The following PTPRZ1 variants were observed in gnomAD, a reference collection of about 807,000 sequenced individuals.
PTPRZ1 encodes receptor-type tyrosine-protein phosphatase zeta.
A neutral mutation model predicts 214.1 loss-of-function variants in PTPRZ1; 82 were observed. The observed-to-expected ratio is 0.38, with a 90% CI of 0.32 to 0.46. PTPRZ1 has a LOEUF of 0.46. Ranked by LOEUF, PTPRZ1 falls within the 20% of genes least tolerant of loss-of-function variation. The pLI is 1.00. For missense variants in PTPRZ1, 2,603 were observed against 2,748.7 expected (o/e 0.95, Z 1.19); for synonymous variants, 945 against 987.9 (o/e 0.96, Z 0.81).
intron 1 of PTPRZ1, among the ~76,000 whole-genome samples, chr7:121,899,917 C>G (rs1216790070): frequency 6.6e-6 from 1 of 152,100 alleles, no homozygotes; most frequent in African/African-American, 2.4e-5. Context: ...TAGCAGTGAC[C>G]ACTGTTTCCA....
At position 121,976,231 on chromosome 7, in the gene PTPRZ1, G is replaced by A; in HGVS notation, c.515G>A (p.Gly172Glu). ...TCAAGTTTTGAGGAAGCAGTCAAAG[G>A]AAAAGGGAAGTTAAGAGCTTTATCC... The part of the protein sequence containing the change: ...RFSSFEEAVK[G>E]KGKLRALSIL... Residue 172 changes from glycine (G) to glutamate (E), a missense_variant, in exon 5 of 30, where the codon GGA (glycine) becomes GAA (glutamate). Around this residue, in one of 6 missense-constraint regions of PTPRZ1, gnomAD observed 244 missense variants for 333.2 expected, o/e 0.73. Coordinates refer to ENST00000393386, the MANE Select transcript of PTPRZ1 (RefSeq NM_002851.3). The A allele has an allele frequency of 6.2e-7, 1 of 1,608,530 alleles. No homozygotes were observed. The highest frequency in any genetic ancestry group is 8.5e-7 in the Non-Finnish European group (1 of 1,176,412).
At chr7:121,984,167 A>C in intron 8 of PTPRZ1, 50 bp downstream of exon 8, 2 of 1,503,066 alleles carry the variant, frequency 1.3e-6, no homozygotes, top group Non-Finnish European at 1.8e-6. Flanking sequence ...GCAGTGTTAT[A>C]GGAGGTAATT....
At chr7:122,006,368 A>G (rs1017363020) in intron 11 of PTPRZ1, among the ~76,000 whole-genome samples, 4 of 152,048 alleles carry the variant, frequency 2.6e-5, no homozygotes, top group African/African-American at 9.7e-5. Flanking sequence ...ATTTTGTATC[A>G]TTTAACCAAT....
At chr7:121,984,228 TATTA>T (rs1797702587) in intron 8 of PTPRZ1, 111 bp downstream of exon 8, 2 of 972,864 alleles carry the variant, frequency 2.1e-6, no homozygotes, top group South Asian at 3.1e-5. Context: ...ATGTTTTAAT[TATTA>T]ATTTTGTAGC....
At chr7:121,900,890 A>G (rs1794936962) in intron 1 of PTPRZ1, among the ~76,000 whole-genome samples, 1 of 152,192 alleles carries the variant, frequency 6.6e-6, no homozygotes, top group Non-Finnish European at 1.5e-5. Context: ...CGATGTGCCA[A>G]TCACTGCTGT....
At chr7:121,974,455 A>G (rs143866263) in intron 4 of PTPRZ1, among the ~76,000 whole-genome samples, 2 of 152,216 alleles carry the variant, frequency 1.3e-5, no homozygotes, top group African/African-American at 2.4e-5. Context: ...AAGCCTCTCA[A>G]ATTGTCTCTC....
chr7:122,055,081 T>C lies in PTPRZ1; in HGVS notation c.6522T>C (p.Ala2174=). 6.4e-7 allele frequency: 1 copy of C among 1,572,396 alleles called. No individual in the cohort carries two copies. Among genetic ancestry groups the C allele is most frequent in the Non-Finnish European group, 8.7e-7 (1 of 1,152,352 alleles). The change falls in exon 27 of 30, where the codon GCT becomes GCC. Residue 2174 remains alanine, a synonymous_variant. Coordinates refer to ENST00000393386, the MANE Select transcript of PTPRZ1 (RefSeq NM_002851.3). ...KLIIQDFILE[A]TQDDYVLEVR... ...TAATTCAGGACTTTATCTTAGAAGC[T>C]ACACAGGTAAGGATATAAGTTAAAT...
intron 28 of PTPRZ1, among the ~76,000 whole-genome samples, chr7:122,059,210 G>A (rs1344727650): frequency 1.3e-5 from 2 of 151,926 alleles, no homozygotes; most frequent in African/African-American, 4.8e-5. Flanking sequence ...TACTAAGTCG[G>A]TGTTTTAGCA....
chr7:121,899,995 G>A (rs930496854), intron 1 of PTPRZ1, among the ~76,000 whole-genome samples: 9 of 152,092 alleles, frequency 5.9e-5, no homozygotes, highest in African/African-American at 1.7e-4. Flanking sequence ...AGAAAATTCT[G>A]GCCCAGTCAA....
At chr7:121,899,119 A>G (rs892149998) in intron 1 of PTPRZ1, among the ~76,000 whole-genome samples, 2 of 152,178 alleles carry the variant, frequency 1.3e-5, no homozygotes, top group Non-Finnish European at 2.9e-5. Flanking sequence ...AACATTTTGT[A>G]GTTTCAAAAG....
chr7:121,896,000 T>G (rs1040342406), intron 1 of PTPRZ1, among the ~76,000 whole-genome samples: 1 of 152,174 alleles, frequency 6.6e-6, no homozygotes, highest in Non-Finnish European at 1.5e-5. Context: ...ATTTTCCCAA[T>G]CAAATATCCA....
chr7:121,894,837 G>A (rs904735708), intron 1 of PTPRZ1, among the ~76,000 whole-genome samples: 1 of 152,112 alleles, frequency 6.6e-6, no homozygotes, highest in Admixed American at 6.6e-5. Context: ...ATTGGATTTG[G>A]GGGAAGGTGT....
intron 1 of PTPRZ1, among the ~76,000 whole-genome samples, chr7:121,889,017 A>T (rs1794494891): frequency 6.6e-6 from 1 of 152,166 alleles, no homozygotes; most frequent in Admixed American, 6.6e-5. Context: ...AATGAATTAA[A>T]TTATTGAAGT....
At chr7:121,926,040 C>T (rs1156612269) in intron 1 of PTPRZ1, among the ~76,000 whole-genome samples, 1 of 152,166 alleles carries the variant, frequency 6.6e-6, no homozygotes, top group Non-Finnish European at 1.5e-5. Context: ...CACAGTGGCT[C>T]ACGCCTGTAA....
Position 122,031,553 on chromosome 7 carries a change from A to C in PTPRZ1, c.5160A>C (p.Glu1720Asp), listed in dbSNP as rs921347899. 7 of 1,598,088 alleles carry C rather than the reference A, an allele frequency of 4.4e-6. No individual in the cohort carries two copies. The African/African-American group carries it at 9.4e-5, about 21-fold the overall frequency. Reference sequence around the variant, plus strand: ...ATGCAAGTAGTGGGTTTACTGAAGAATTTGAGGTATGATTTTAATATGTCT... The same window carrying C: ...ATGCAAGTAGTGGGTTTACTGAAGACTTTGAGGTATGATTTTAATATGTCT... ...DLHASSGFTE[E>D]FETLKEFYQE... The change falls in exon 15 of 30, where the codon GAA (glutamate) becomes GAC (aspartate). Residue 1720 changes from glutamate to aspartate, a missense_variant. Physicochemically the swap from Glu to Asp is conservative, Grantham distance 45. Transcript: ENST00000393386.
chr7:121,902,675 C>CA, intron 1 of PTPRZ1, among the ~76,000 whole-genome samples: 2 of 152,004 alleles, frequency 1.3e-5, no homozygotes, highest in South Asian at 4.1e-4. Context: ...TGAGAAATAT[C>CA]TATTCAGATC....
chr7:122,034,155 G>T, intron 16 of PTPRZ1, 40 bp downstream of exon 16: 1 of 1,578,660 alleles, frequency 6.3e-7, no homozygotes, highest in Non-Finnish European at 8.7e-7. Context: ...TAGCCAAGAA[G>T]TAGTTGTAAC....
At chr7:122,033,444 C>T (rs1043488920) in intron 15 of PTPRZ1, among the ~76,000 whole-genome samples, 1 of 151,392 alleles carries the variant, frequency 6.6e-6, no homozygotes, top group Admixed American at 6.6e-5. Flanking sequence ...TTTCTGAAAG[C>T]ATATTAACTC....
chr7:121,990,432 C>T (rs921668944), intron 8 of PTPRZ1, among the ~76,000 whole-genome samples: 3 of 149,828 alleles, frequency 2.0e-5, no homozygotes, highest in Non-Finnish European at 4.4e-5. Context: ...TTTTTGGCAT[C>T]ATGGAATGGA....
Sources: gnomAD v4.1 joint callset for allele counts (sites outside exome capture counted in the v4.1 genomes callset) on GRCh38, gnomAD v4.1.1 for gene constraint, gnomAD v4.1.1 regional missense constraint, MANE v1.5 for transcripts, NCBI Gene and HGNC (gene_info 2026-07-23, HGNC 2026-07-21) for gene names.